Variants in ITPR2 observed in about 807,000 individuals in gnomAD.
ITPR2 encodes inositol 1,4,5-trisphosphate receptor type 2.
In ITPR2, 207 loss-of-function variants were observed where a neutral mutation model predicts 317.1. That is an observed-to-expected ratio of 0.65 (90% confidence interval 0.58 to 0.73). The LOEUF (loss-of-function observed/expected upper bound fraction) is 0.73. Among genes scored for constraint, ITPR2 ranks in the 30% least tolerant of loss-of-function variants. ITPR2 has a pLI of 0.00. For missense variants in ITPR2, 2,613 were observed against 3,284.0 expected, an observed-to-expected ratio of 0.80 and a Z score of 4.99; for synonymous variants, 1,156 against 1,149.1, an observed-to-expected ratio of 1.01 and a Z score of -0.12.
chr12:26,602,373 T>C lies in ITPR2; in HGVS notation c.3675A>G (p.Glu1225=). 1.2e-5 allele frequency: 19 copies of C among 1,611,528 alleles called. No homozygotes were observed. Among genetic ancestry groups the C allele is most frequent in the Non-Finnish European group, 1.6e-5 (19 of 1,179,034 alleles). Residue 1225 remains glutamate, a synonymous_variant, in exon 28 of 57, where the codon GAA becomes GAG. Coordinates refer to ENST00000381340, the MANE Select transcript of ITPR2 (RefSeq NM_002223.4). Reference sequence around the variant, plus strand: ...ACAAAAAATAACCAGGACTAACCTTTTCATAGGGTATCTGCAGAAGATCCA... The same window carrying C: ...ACAAAAAATAACCAGGACTAACCTTCTCATAGGGTATCTGCAGAAGATCCA... ...VVLDLLQIPY[E]KNDEKMNEVM... is the part of the protein sequence containing the mutation.
At chr12:26,653,731 TATA>T (rs959478564) in intron 21 of ITPR2, among the ~76,000 whole-genome samples, 2 of 152,242 alleles carry the variant, frequency 1.3e-5, no homozygotes, top group African/African-American at 2.4e-5. Context: ...GTGGCTTGGC[TATA>T]ATGTTAGTTG....
intron 26 of ITPR2, among the ~76,000 whole-genome samples, chr12:26,603,865 T>C (rs75326012): frequency 1.8e-4 from 27 of 152,258 alleles, no homozygotes; most frequent in East Asian, 1.4e-3. Flanking sequence ...ATCGCAAAGA[T>C]TGGGCAATCA....
chr12:26,663,411 C>T (rs188953268), intron 15 of ITPR2, among the ~76,000 whole-genome samples: 2 of 152,180 alleles, frequency 1.3e-5, no homozygotes, highest in Non-Finnish European at 2.9e-5. Context: ...CATAATAGAT[C>T]CAGGATGTCC....
intron 21 of ITPR2, among the ~76,000 whole-genome samples, chr12:26,651,238 T>C (rs551856482): frequency 4.7e-4 from 72 of 152,186 alleles, no homozygotes; most frequent in Non-Finnish European, 7.9e-4. Context: ...GGCTCTTCTT[T>C]GCCTTTCTTC....
At chr12:26,490,805 C>T (rs552890557) in intron 39 of ITPR2, among the ~76,000 whole-genome samples, 2 of 152,306 alleles carry the variant, frequency 1.3e-5, no homozygotes, top group South Asian at 4.1e-4. Context: ...AAGAGTGAAA[C>T]TCCATCTCAA....
intron 34 of ITPR2, among the ~76,000 whole-genome samples, chr12:26,569,639 C>T (rs544025268): frequency 2.7e-5 from 4 of 150,704 alleles, no homozygotes; most frequent in Admixed American, 6.6e-5. Context: ...AATGGTTACA[C>T]AAATTATTAA....
intron 15 of ITPR2, among the ~76,000 whole-genome samples, chr12:26,662,367 A>G (rs547879684): frequency 1.3e-5 from 2 of 152,312 alleles, no homozygotes; most frequent in African/African-American, 4.8e-5. Flanking sequence ...TTAATTCATG[A>G]CAAGTATTTA....
chr12:26,715,483 G>A, intron 7 of ITPR2, 38 bp from the exon 8 acceptor site: 1 of 1,581,078 alleles, frequency 6.3e-7, no homozygotes, highest in Non-Finnish European at 8.6e-7. Flanking sequence ...ACAAACAGAT[G>A]TGAGAAGCAG....
intron 41 of ITPR2, among the ~76,000 whole-genome samples, chr12:26,484,644 G>A (rs185462329): frequency 5.9e-5 from 9 of 152,140 alleles, no homozygotes; most frequent in Admixed American, 5.2e-4. Context: ...AACATAACCT[G>A]GCAATAAGTA....
intron 37 of ITPR2, among the ~76,000 whole-genome samples, chr12:26,531,798 A>T (rs1018002311): frequency 6.6e-6 from 1 of 152,182 alleles, no homozygotes; most frequent in African/African-American, 2.4e-5. Context: ...AAAAATGATC[A>T]ATCATCTTGA....
chr12:26,542,619 T>A (rs1944292276), intron 37 of ITPR2, among the ~76,000 whole-genome samples: 6 of 152,250 alleles, frequency 3.9e-5, no homozygotes, highest in Admixed American at 3.9e-4. Flanking sequence ...AAATGCTAGC[T>A]ATTAATTTTT....
chr12:26,451,894 A>C (rs1277584715), intron 45 of ITPR2, among the ~76,000 whole-genome samples: 1 of 152,240 alleles, frequency 6.6e-6, no homozygotes, highest in Non-Finnish European at 1.5e-5. Context: ...CTATCTTTGT[A>C]CTACGATTTT....
chr12:26,435,033 C>T (rs1401064332), intron 48 of ITPR2, among the ~76,000 whole-genome samples: 1 of 151,816 alleles, frequency 6.6e-6, no homozygotes, highest in Non-Finnish European at 1.5e-5. Context: ...ACTCATACAT[C>T]CACTCCATTG....
chr12:26,584,756 T>C (rs1307686170), intron 32 of ITPR2, among the ~76,000 whole-genome samples: 1 of 152,222 alleles, frequency 6.6e-6, no homozygotes, highest in Non-Finnish European at 1.5e-5. Flanking sequence ...TACATTTAAA[T>C]AGCCACAGTT....
intron 37 of ITPR2, among the ~76,000 whole-genome samples, chr12:26,542,182 G>A (rs945244625): frequency 4.6e-5 from 7 of 152,196 alleles, no homozygotes; most frequent in South Asian, 4.1e-4. Context: ...GACTCAGACC[G>A]TGATCACAAG....
At chr12:26,706,112 C>A (rs1245743119) in intron 9 of ITPR2, among the ~76,000 whole-genome samples, 1 of 152,190 alleles carries the variant, frequency 6.6e-6, no homozygotes, top group Non-Finnish European at 1.5e-5. Context: ...TGCTGCCCAC[C>A]ACAACTGTCT....
chr12:26,707,555 A>T (rs764379523), intron 9 of ITPR2, among the ~76,000 whole-genome samples: 13 of 152,180 alleles, frequency 8.5e-5, no homozygotes, highest in Non-Finnish European at 2.9e-5. Flanking sequence ...TTTTTGAGAC[A>T]GAGTCTTGTT....
chr12:26,448,610 G>A (rs187445099), intron 45 of ITPR2, among the ~76,000 whole-genome samples: 4 of 152,172 alleles, frequency 2.6e-5, no homozygotes, highest in Admixed American at 1.3e-4. Context: ...TGAATACATG[G>A]GTAGATACAG....
intron 26 of ITPR2, among the ~76,000 whole-genome samples, chr12:26,605,999 T>C (rs1323164269): frequency 6.6e-6 from 1 of 152,242 alleles, no homozygotes; most frequent in Non-Finnish European, 1.5e-5. Flanking sequence ...GCTCCAAAAG[T>C]TTTCCTTCTG....
Sources: gnomAD v4.1 joint callset for allele counts (sites outside exome capture counted in the v4.1 genomes callset) on GRCh38, gnomAD v4.1.1 for gene constraint, MANE v1.5 for transcripts, NCBI Gene and HGNC (gene_info 2026-07-23, HGNC 2026-07-21) for gene names.